CACHD1: variants seen among roughly 807,000 people sequenced by gnomAD.
The protein encoded by CACHD1 is cache domain containing 1.
A neutral mutation model predicts 138.7 loss-of-function variants in CACHD1; 71 were observed. The ratio of observed to expected loss-of-function variants is 0.51; its 90% CI spans 0.42 to 0.62. The LOEUF (loss-of-function observed/expected upper bound fraction) is 0.62. CACHD1 is among the 20% of genes least tolerant of loss of function. CACHD1 has a pLI of 0.00. For synonymous variants in CACHD1, 578 were observed against 591.5 expected, an observed-to-expected ratio of 0.98 and a Z score of 0.33; for missense variants, 1,389 against 1,625.3, an observed-to-expected ratio of 0.85 and a Z score of 2.50.
chr1:64,555,673 AGTCTCCCAAAGTCCTG>A (rs1408859165), intron 2 of CACHD1, among the ~76,000 whole-genome samples: 3 of 151,908 alleles, frequency 2.0e-5, no homozygotes, highest in Non-Finnish European at 4.4e-5. Flanking sequence ...TGTCCGCCTC[AGTCTCCCAAAGTCCTG>A]GGATTACAGG....
At chr1:64,631,934 G>A (rs921864149) in intron 5 of CACHD1, among the ~76,000 whole-genome samples, 1 of 152,090 alleles carries the variant, frequency 6.6e-6, no homozygotes, top group Admixed American at 6.5e-5. Flanking sequence ...CTTAGCAGGA[G>A]CCTTTGTATG....
At chr1:64,540,467 T>C (rs1279776332) in intron 1 of CACHD1, among the ~76,000 whole-genome samples, 1 of 152,178 alleles carries the variant, frequency 6.6e-6, no homozygotes, top group Non-Finnish European at 1.5e-5. Flanking sequence ...TCAAGTTATA[T>C]TGGCTAACAG....
intron 1 of CACHD1, among the ~76,000 whole-genome samples, chr1:64,539,639 G>T (rs987169369): frequency 6.6e-6 from 1 of 152,194 alleles, no homozygotes; most frequent in Admixed American, 6.5e-5. Flanking sequence ...GGCCAATGGG[G>T]CTAGAATGTA....
chr1:64,547,668 A>G (rs1398595715), intron 1 of CACHD1, among the ~76,000 whole-genome samples: 1 of 152,136 alleles, frequency 6.6e-6, no homozygotes, highest in Non-Finnish European at 1.5e-5. Context: ...CACCCAGCCT[A>G]AGCCTGAACT....
intron 4 of CACHD1, among the ~76,000 whole-genome samples, chr1:64,619,787 G>A (rs1270512704): frequency 6.6e-6 from 1 of 152,036 alleles, no homozygotes; most frequent in African/African-American, 2.4e-5. Flanking sequence ...ATTTGATAAG[G>A]CAAGAAGGAG....
At chr1:64,475,651 A>G (rs1294218730) in intron 1 of CACHD1, among the ~76,000 whole-genome samples, 1 of 152,030 alleles carries the variant, frequency 6.6e-6, no homozygotes, top group Non-Finnish European at 1.5e-5. Context: ...GGTTCACGCC[A>G]TTCTCCTGCC....
rs1232698305 is a variant in CACHD1 at position 64,607,442 on chromosome 1, A to G, written c.517+4530A>G. On this transcript the variant is annotated intron_variant, in intron 4 of 26. Transcript: ENST00000651257. ...GAATAGTAGCATAGGCTGATCCTAG[A>G]GGGTTCAAGCTCTGGAGAACGGAGG... Among the ~76,000 whole-genome samples the G allele has an allele frequency of 3.3e-5, 5 of 152,230 alleles. No homozygotes were observed. The East Asian group carries it at 9.6e-4, about 29-fold the overall frequency.
chr1:64,605,682 C>A (rs746710864), intron 4 of CACHD1, among the ~76,000 whole-genome samples: 4 of 152,132 alleles, frequency 2.6e-5, no homozygotes, highest in African/African-American at 9.7e-5. Flanking sequence ...ATGATGGTCC[C>A]CTGCCAAGAC....
At chr1:64,544,119 C>G (rs548887435) in intron 1 of CACHD1, among the ~76,000 whole-genome samples, 2 of 152,234 alleles carry the variant, frequency 1.3e-5, no homozygotes, top group South Asian at 4.2e-4. Context: ...ATCATAGGAA[C>G]AGATCCAGAG....
chr1:64,554,298 C>G (rs967701916), intron 2 of CACHD1, among the ~76,000 whole-genome samples: 2 of 152,202 alleles, frequency 1.3e-5, no homozygotes, highest in Non-Finnish European at 2.9e-5. Context: ...TATCCTTGGC[C>G]TCCTGCCAAC....
chr1:64,498,453 TCTTTA>T (rs1245681004), intron 1 of CACHD1, among the ~76,000 whole-genome samples: 2 of 152,250 alleles, frequency 1.3e-5, no homozygotes, highest in African/African-American at 4.8e-5. Flanking sequence ...GTTTACTGCA[TCTTTA>T]CTTTTGTGCA....
chr1:64,664,412 C>T, intron 14 of CACHD1, 86 bp from the exon 15 acceptor site: 3 of 1,338,360 alleles, frequency 2.2e-6, no homozygotes, highest in Non-Finnish European at 2.1e-6. Context: ...TTCTCTGCAA[C>T]AGAGCTTTGG....
At chr1:64,475,007 A>G (rs1315313974) in intron 1 of CACHD1, among the ~76,000 whole-genome samples, 1 of 152,244 alleles carries the variant, frequency 6.6e-6, no homozygotes, top group African/African-American at 2.4e-5. Flanking sequence ...CTCCAATTGA[A>G]GAAAAAGCAG....
intron 2 of CACHD1, among the ~76,000 whole-genome samples, chr1:64,552,433 G>A (rs1023357496): frequency 6.6e-6 from 1 of 151,442 alleles, no homozygotes. Flanking sequence ...AAATAAATAT[G>A]ACAGAAAGTT....
chr1:64,592,937 A>G (rs1647119757), intron 3 of CACHD1, among the ~76,000 whole-genome samples: 1 of 152,196 alleles, frequency 6.6e-6, no homozygotes, highest in Non-Finnish European at 1.5e-5. Flanking sequence ...GAATCTGGCA[A>G]CTAGGTTTTC....
chr1:64,666,087 G>C lies in CACHD1; in HGVS notation c.2307G>C (p.Leu769Phe), dbSNP rs764944287. The C allele has an allele frequency of 6.2e-7, 1 of 1,611,982 alleles. No homozygotes were observed. The highest frequency in any genetic ancestry group is 1.3e-5 in the African/African-American group (1 of 74,872). Residue 769 changes from leucine to phenylalanine, a missense_variant, in exon 16 of 27, where the codon TTG becomes TTC. Physicochemically the swap from Leu to Phe is conservative, Grantham distance 22. This residue lies in a region of CACHD1 where 1,000 missense variants were observed against 1,114.7 expected (regional missense o/e 0.90). Transcript: ENST00000651257. Reference sequence around the variant, plus strand: ...TCCATGCAGTAGCTAATCCAGGGTTGATTTCTTTGACTGGTCCTTACTTAG... The same window carrying C: ...TCCATGCAGTAGCTAATCCAGGGTTCATTTCTTTGACTGGTCCTTACTTAG... The part of the protein sequence containing the change: ...WYLHAVANPG[L>F]ISLTGPYLDV...
At chr1:64,582,488 T>C (rs1322060331) in intron 3 of CACHD1, among the ~76,000 whole-genome samples, 184 bp downstream of exon 3, 8 of 152,172 alleles carry the variant, frequency 5.3e-5, no homozygotes, top group Admixed American at 5.2e-4. Context: ...CAGTGTTCTA[T>C]AGCCAGGAAA....
chr1:64,496,210 TA>T (rs1185818271), intron 1 of CACHD1, among the ~76,000 whole-genome samples: 1 of 152,212 alleles, frequency 6.6e-6, no homozygotes, highest in Admixed American at 6.5e-5. Flanking sequence ...CAAGGTTCTA[TA>T]AAGGATGTCA....
intron 2 of CACHD1, among the ~76,000 whole-genome samples, chr1:64,576,491 G>C (rs562315774): frequency 6.7e-6 from 1 of 149,620 alleles, no homozygotes; most frequent in South Asian, 2.1e-4. Context: ...CTTTTAGAGG[G>C]AAGAAAAAAA....
Sources: allele counts gnomAD v4.1 joint callset (sites outside exome capture counted in the v4.1 genomes callset), GRCh38; gene constraint gnomAD v4.1.1; regional missense constraint gnomAD v4.1.1; transcripts MANE v1.5; gene names NCBI Gene and HGNC (gene_info 2026-07-23, HGNC 2026-07-21).